Variants in ZNF266 observed in about 807,000 individuals in gnomAD.
ZNF266 encodes the protein zinc finger protein 266, also known as zinc finger protein 1.
A neutral mutation model predicts 16.4 loss-of-function variants in ZNF266; 16 were observed. The ratio of observed to expected loss-of-function variants is 0.98; its 90% CI spans 0.66 to 1.48. The LOEUF is 1.48. Among genes scored for constraint, ZNF266 ranks in the 40% most tolerant of loss-of-function variants. The pLI, the probability that ZNF266 is intolerant of heterozygous loss-of-function variation, is 0.00. For missense variants in ZNF266, 738 were observed against 689.1 expected, an observed-to-expected ratio of 1.07 and a Z score of -0.79; for synonymous variants, 262 against 237.9, an observed-to-expected ratio of 1.10 and a Z score of -0.93.
intron 5 of ZNF266, among the ~76,000 whole-genome samples, chr19:9,422,301 T>C (rs747480828): frequency 3.9e-5 from 6 of 152,160 alleles, no homozygotes; most frequent in Non-Finnish European, 8.8e-5. Context: ...ATGTTCCCCT[T>C]GACCTGGCAT....
At chr19:9,425,968 G>C (rs1229879281) in intron 5 of ZNF266, among the ~76,000 whole-genome samples, 1 of 152,094 alleles carries the variant, frequency 6.6e-6, no homozygotes, top group Non-Finnish European at 1.5e-5. Flanking sequence ...AGGAAGACCG[G>C]CATTCTGACT....
chr19:9,414,537 C>A lies in ZNF266; in HGVS notation c.589G>T (p.Val197Leu), dbSNP rs751234357. 11 of 1,614,104 alleles carry A rather than the reference C, an allele frequency of 6.8e-6. No homozygotes were observed. In the South Asian group the frequency reaches 1.2e-4, roughly 18 times the overall value. Residue 197 changes from valine to leucine, a missense_variant, in exon 11 of 11, where the codon GTA (valine) becomes TTA (leucine). Coordinates refer to ENST00000592904, the MANE Select transcript of ZNF266 (RefSeq NM_001370374.1). ...AAGGCTTTTCCACACTGACTAAATA[C>A]AGAACGTTGCTCTCCAGTAGAGGTT... is the stretch of plus-strand genomic sequence containing the variant. ...KKTSTGEQRS[V>L]FSQCGKAFSL...
chr19:9,431,059 C>G (rs535087625), intron 5 of ZNF266, among the ~76,000 whole-genome samples: 14 of 152,288 alleles, frequency 9.2e-5, no homozygotes, highest in African/African-American at 2.9e-4. Flanking sequence ...TCCTCTTGGT[C>G]GGGACAGAGC....
intron 10 of ZNF266, 82 bp downstream of exon 10, chr19:9,415,572 C>T: frequency 1.6e-6 from 2 of 1,246,866 alleles, no homozygotes; most frequent in Non-Finnish European, 2.3e-6. Flanking sequence ...GCCACCATTC[C>T]CAGCTTTATT....
In ZNF266 at chr19:9,413,236, CAG is replaced by C; in HGVS notation, c.*37_*38del. ...TCTCCCCAGTGAGTTTTCATGTCTT[CAG>C]AGAGAACAGGGACACCTTTAGGTTT... On this transcript the variant is annotated 3_prime_UTR_variant, in exon 11 of 11. Coordinates refer to ENST00000592904, the MANE Select transcript of ZNF266 (RefSeq NM_001370374.1). The C allele has an allele frequency of 6.5e-7, 1 of 1,527,188 alleles. No individual in the cohort carries two copies. The highest frequency in any genetic ancestry group is 8.8e-7 in the Non-Finnish European group (1 of 1,140,708). The allele number at this position is 1,527,188 out of a possible 1,614,324, so 94.6% of individuals were successfully genotyped here.
chr19:9,425,474 G>C (rs185615362), intron 5 of ZNF266, among the ~76,000 whole-genome samples: 10 of 152,350 alleles, frequency 6.6e-5, no homozygotes, highest in Non-Finnish European at 1.5e-4. Flanking sequence ...TCTCCAGAGA[G>C]AGAGAGACCC....
chr19:9,414,061 T>C lies in ZNF266; in HGVS notation c.1065A>G (p.Lys355=). 6.2e-7 allele frequency: 1 copy of C among 1,614,050 alleles called. No homozygotes were observed. The highest frequency in any genetic ancestry group is 1.1e-5 in the South Asian group (1 of 91,072). Residue 355 remains lysine (K), a synonymous_variant, in exon 11 of 11, where the codon AAA becomes AAG. Transcript: ENST00000592904. ...CATAAGGCTTCTCACCCACATGGAT[T>C]TTCATATGTTGACTTAAGCAAGAGG... ...TVSSCLSQHM[K]IHVGEKPYEC...
chr19:9,431,737 G>A (rs1284054468), intron 5 of ZNF266, among the ~76,000 whole-genome samples: 2 of 152,056 alleles, frequency 1.3e-5, no homozygotes, highest in Admixed American at 6.6e-5. Context: ...ACTAACTCCC[G>A]CCTGAGTAAC....
intron 9 of ZNF266, among the ~76,000 whole-genome samples, chr19:9,416,896 C>A (rs2069118513): frequency 6.6e-6 from 1 of 151,658 alleles, no homozygotes; most frequent in South Asian, 2.1e-4. Context: ...GTCTCAAACT[C>A]ATGACCTCAT....
Position 9,413,203 on chromosome 19 carries a change from A to G in ZNF266, c.*72T>C, listed in dbSNP as rs1334611294. Reference sequence around the variant, plus strand: ...AAGTTGCTTCCACATTTTTACATTCATAGGGTTTCTCCCCAGTGAGTTTTC... The same window carrying G: ...AAGTTGCTTCCACATTTTTACATTCGTAGGGTTTCTCCCCAGTGAGTTTTC... On this transcript the variant is annotated 3_prime_UTR_variant, in exon 11 of 11. Transcript: ENST00000592904. 7.3e-6 allele frequency: 11 copies of G among 1,514,528 alleles called. No homozygotes were observed. The African/African-American group carries it at 1.5e-4, about 21-fold the overall frequency. 93.8% of individuals were successfully genotyped at this position (1,514,528 alleles called of 1,614,324 possible). A position where few individuals can be genotyped will look rare whatever the true frequency, so the allele number is the denominator to read the frequency against.
In ZNF266 at chr19:9,413,200, T is replaced by C; in HGVS notation, c.*75A>G. ...ACAAAGTTGCTTCCACATTTTTACA[T>C]TCATAGGGTTTCTCCCCAGTGAGTT... On this transcript the variant is annotated 3_prime_UTR_variant, in exon 11 of 11. Coordinates refer to ENST00000592904, the MANE Select transcript of ZNF266 (RefSeq NM_001370374.1). 1.3e-6 allele frequency: 2 copies of C among 1,512,662 alleles called. No homozygotes were observed. Among genetic ancestry groups the C allele is most frequent in the East Asian group, 2.3e-5 (1 of 44,052 alleles). 93.7% of individuals were successfully genotyped at this position (1,512,662 alleles called of 1,614,324 possible).
chr19:9,416,164 C>T (rs2068943352), intron 9 of ZNF266, among the ~76,000 whole-genome samples: 1 of 152,028 alleles, frequency 6.6e-6, no homozygotes, highest in Non-Finnish European at 1.5e-5. Flanking sequence ...AAAAAACAAA[C>T]ACAAAGACAG....
rs749429500 is a variant in ZNF266, at chr19:9,415,789, CAGAT to C, written c.317-51_317-48del. 3.4e-6 allele frequency: 5 copies of C among 1,492,430 alleles called. No homozygotes were observed. In the East Asian group the frequency reaches 9.2e-5, roughly 27 times the overall value. 92.4% of individuals were successfully genotyped at this position (1,492,430 alleles called of 1,614,324 possible). On this transcript the variant is annotated intron_variant, in intron 9 of 10. Transcript: ENST00000592904. ...AGGGTTTGGAGACATACAGGGTAGA[CAGAT>C]GGAGCTGAAAATGAGAGGGATCATT... is the stretch of plus-strand genomic sequence containing the variant.
chr19:9,412,762 C>G lies in ZNF266; in HGVS notation c.*513G>C, dbSNP rs1168994988. The G allele has an allele frequency of 6.5e-6, 1 of 154,470 alleles. No individual in the cohort carries two copies. The allele number at this position is 154,470 out of a possible 1,614,324, so 9.6% of individuals were successfully genotyped here. On this transcript the variant is annotated 3_prime_UTR_variant, in exon 11 of 11. Coordinates refer to ENST00000592904, the MANE Select transcript of ZNF266 (RefSeq NM_001370374.1). The stretch of plus-strand genomic sequence containing the variant: ...TCTTCTGGTGGATCCACACAGTCTT[C>G]TCCATGTGTATCCTTCCTTCAGTTT...
intron 5 of ZNF266, among the ~76,000 whole-genome samples, chr19:9,422,687 T>C (rs2070108969): frequency 6.6e-6 from 1 of 152,158 alleles, no homozygotes; most frequent in Non-Finnish European, 1.5e-5. Context: ...TGACTAGCTC[T>C]AGTACCCGCT....
At chr19:9,421,815 A>T (rs965245511) in intron 5 of ZNF266, among the ~76,000 whole-genome samples, 1 of 152,084 alleles carries the variant, frequency 6.6e-6, no homozygotes, top group Non-Finnish European at 1.5e-5. Context: ...ATAGATACAC[A>T]CATTGAACTT....
At chr19:9,415,202 C>A (rs1370929526) in intron 10 of ZNF266, among the ~76,000 whole-genome samples, 2 of 152,086 alleles carry the variant, frequency 1.3e-5, no homozygotes, top group Non-Finnish European at 2.9e-5. Context: ...GGGTGAGGCA[C>A]AAGAATCGCT....
At chr19:9,415,286 CTCTG>C (rs976853425) in intron 10 of ZNF266, among the ~76,000 whole-genome samples, 19 of 152,152 alleles carry the variant, frequency 1.2e-4, no homozygotes, top group East Asian at 5.8e-4. Flanking sequence ...CAGACCAAGA[CTCTG>C]TCTAAGAAAA....
At chr19:9,428,403 C>T (rs1198425046) in intron 5 of ZNF266, among the ~76,000 whole-genome samples, 1 of 152,228 alleles carries the variant, frequency 6.6e-6, no homozygotes, top group Non-Finnish European at 1.5e-5. Flanking sequence ...GTGGTCACTC[C>T]TCCCTCCCAC....
Sources: allele counts gnomAD v4.1 joint callset (sites outside exome capture counted in the v4.1 genomes callset), GRCh38; gene constraint gnomAD v4.1.1; transcripts MANE v1.5; gene names NCBI Gene and HGNC (gene_info 2026-07-23, HGNC 2026-07-21).